BRPF3: variants seen among roughly 807,000 people sequenced by gnomAD.
BRPF3 encodes the protein bromodomain and PHD finger containing 3.
BRPF3 carries 18 observed loss-of-function variants against 102.0 expected under a neutral mutation model. That is an observed-to-expected ratio of 0.18 (90% CI 0.12 to 0.26). BRPF3 has a LOEUF of 0.26. BRPF3 is among the 10% of genes least tolerant of loss of function. The pLI is 1.00. For synonymous variants in BRPF3, 570 were observed against 614.2 expected, an observed-to-expected ratio of 0.93 and a Z score of 1.06; for missense variants, 1,147 against 1,567.8, an observed-to-expected ratio of 0.73 and a Z score of 4.53.
chr6:36,216,728 A>G (rs1031351667), intron 8 of BRPF3, among the ~76,000 whole-genome samples: 4 of 152,088 alleles, frequency 2.6e-5, no homozygotes, highest in African/African-American at 9.7e-5. Flanking sequence ...GAATTATAGG[A>G]CTTTTAGTGT....
At chr6:36,207,589 G>A in intron 4 of BRPF3, 145 bp downstream of exon 4, 1 of 1,169,820 alleles carries the variant, frequency 8.5e-7, no homozygotes, top group South Asian at 1.7e-5. Context: ...TCCAAGATCT[G>A]CCTACTTTGT....
In BRPF3 at chr6:36,230,511, A is replaced by G. The variant is rs1375658035; in HGVS notation, c.3520A>G (p.Ser1174Gly). The change falls in exon 13 of 13, where the codon AGC becomes GGC. Residue 1174 changes from serine (S) to glycine (G), a missense_variant. This residue lies in a region of BRPF3 where 85 missense variants were observed against 172.9 expected (regional missense o/e 0.49). Coordinates refer to ENST00000357641, the MANE Select transcript of BRPF3 (RefSeq NM_015695.3). This position sits in a 1 kb window ranked among gnomAD's most constrained non-coding sequence, Gnocchi z 5.4. ...KLKMLEGRKT[S>G]IRKSVQVAYD... is the part of the protein sequence containing the mutation. ...CAAGATGCTGGAAGGCCGCAAGACC[A>G]GCATCCGCAAGTCAGTGCAGGTGGC... The G allele has an allele frequency of 2.5e-6, 4 of 1,614,092 alleles. No individual in the cohort carries two copies. Among genetic ancestry groups the G allele is most frequent in the Admixed American group, 3.3e-5 (2 of 60,004 alleles).
At chr6:36,218,473 T>G in intron 9 of BRPF3, among the ~76,000 whole-genome samples, 1 of 151,640 alleles carries the variant, frequency 6.6e-6, no homozygotes, top group Non-Finnish European at 1.5e-5. Flanking sequence ...TTTTTTTTTT[T>G]TTTTTGAGAC....
Position 36,201,199 on chromosome 6 carries a change from G to T in BRPF3, c.877G>T (p.Ala293Ser). ...TGGGCACTGGGCCCATGTGGTGTGTGCCATCTGGATCCCTGAAGTCTGCTT... is the reference window on the plus strand; with the variant it reads ...TGGGCACTGGGCCCATGTGGTGTGTTCCATCTGGATCCCTGAAGTCTGCTT... ...SDGHWAHVVC[A>S]IWIPEVCFAN... The change falls in exon 2 of 13, where the codon GCC becomes TCC. Residue 293 changes from alanine (A) to serine (S), a missense_variant. Coordinates refer to ENST00000357641, the MANE Select transcript of BRPF3 (RefSeq NM_015695.3). This position sits in a 1 kb window ranked among gnomAD's most constrained non-coding sequence, Gnocchi z 5.1. The T allele has an allele frequency of 6.2e-7, 1 of 1,614,180 alleles. No homozygotes were observed.
intron 2 of BRPF3, among the ~76,000 whole-genome samples, chr6:36,202,504 T>C (rs1473898842): frequency 7.6e-6 from 1 of 131,472 alleles, no homozygotes; most frequent in Non-Finnish European, 1.6e-5. Flanking sequence ...ATTGGAGGGA[T>C]GGGAGCTTGG....
At chr6:36,223,413 G>A (rs1029138793) in intron 10 of BRPF3, among the ~76,000 whole-genome samples, 3 of 152,170 alleles carry the variant, frequency 2.0e-5, no homozygotes, top group African/African-American at 4.8e-5. Flanking sequence ...CACACTTTGT[G>A]CTTCTGGTGG....
At chr6:36,227,705 C>G (rs1455654549) in intron 11 of BRPF3, among the ~76,000 whole-genome samples, 1 of 152,128 alleles carries the variant, frequency 6.6e-6, no homozygotes, top group African/African-American at 2.4e-5. Context: ...GGTGGTTCTC[C>G]TTAAGACCCT....
chr6:36,204,785 C>T lies in BRPF3; in HGVS notation c.1576C>T (p.His526Tyr). 2 of 1,614,218 alleles carry T rather than the reference C, an allele frequency of 1.2e-6. No individual in the cohort carries two copies. Among genetic ancestry groups the T allele is most frequent in the East Asian group, 2.2e-5 (1 of 44,888 alleles). Residue 526 changes from histidine (H) to tyrosine (Y), a missense_variant, in exon 3 of 13, where the codon CAT becomes TAT. His to Tyr is a moderately conservative substitution (Grantham distance 83). This residue lies in a region of BRPF3 where 37 missense variants were observed against 33.3 expected (regional missense o/e 1.11). Transcript: ENST00000357641. ...GVPLIRRLHSHLQSQRNAEQR... is the reference protein window; with the variant it reads ...GVPLIRRLHSYLQSQRNAEQR... ...CCCTCTTATCCGGCGCTTGCACTCC[C>T]ATCTGCAGTCCCAAAGAAACGCTGA...
intron 3 of BRPF3, 83 bp from the exon 4 acceptor site, chr6:36,207,230 T>A (rs1312591776): frequency 1.9e-6 from 3 of 1,540,202 alleles, no homozygotes; most frequent in South Asian, 2.5e-5. Flanking sequence ...GACTTTTACC[T>A]GCTGCAGCCC....
rs1440127478 is a variant in BRPF3, at chr6:36,230,343, G to C, written c.3435-83G>C. 6.9e-7 allele frequency: 1 copy of C among 1,441,326 alleles called. No individual in the cohort carries two copies. Among genetic ancestry groups the C allele is most frequent in the Admixed American group, 1.8e-5 (1 of 55,466 alleles). The allele number at this position is 1,441,326 out of a possible 1,614,324, so 89.3% of individuals were successfully genotyped here. ...CTGTACCCTCTCCCTGGCTTTGCTG[G>C]TCCTGGCCAAGTGGGGCCACAGGAG... On this transcript the variant is annotated intron_variant, in intron 12 of 12. Transcript: ENST00000357641. The surrounding 1 kb of genome is among the most constrained non-coding windows in gnomAD (Gnocchi z 5.4).
At position 36,210,637 on chromosome 6, in the gene BRPF3, G is replaced by A; in HGVS notation, c.2179+109G>A. 1.4e-5 allele frequency: 14 copies of A among 986,572 alleles called. No homozygotes were observed. The highest frequency in any genetic ancestry group is 2.1e-5 in the Non-Finnish European group (14 of 680,176). 61.1% of individuals were successfully genotyped at this position (986,572 alleles called of 1,614,324 possible). ...CCTTGGGGCTATAGGTAGACTCCAG[G>A]AGCAAAGCTGAGGGTGAGCACAGAC... On this transcript the variant is annotated intron_variant, in intron 6 of 12. Transcript: ENST00000357641. This position sits in a 1 kb window ranked among gnomAD's most constrained non-coding sequence, Gnocchi z 4.7.
chr6:36,197,683 A>T (rs1171682265), intron 1 of BRPF3: 2 of 151,478 alleles, frequency 1.3e-5, no homozygotes, highest in East Asian at 3.9e-4. Context: ...GTTGTTGGAG[A>T]TATTTTGGAG....
rs762259459 is a variant in BRPF3 at position 36,228,920 on chromosome 6, C to T, written c.3298C>T (p.Pro1100Ser). 6.2e-7 allele frequency: 1 copy of T among 1,614,104 alleles called. No individual in the cohort carries two copies. The highest frequency in any genetic ancestry group is 1.3e-5 in the African/African-American group (1 of 75,044). Residue 1100 changes from proline to serine, a missense_variant, in exon 12 of 13, where the codon CCC (proline) becomes TCC (serine). Pro to Ser is a moderately conservative substitution (Grantham distance 74). This residue lies in a region of BRPF3 where 85 missense variants were observed against 172.9 expected (regional missense o/e 0.49). Transcript: ENST00000357641. Reference sequence around the variant, plus strand: ...CCTCCAGATCATCGATCCCAAGATGCCCCGGGAGGGCCTCCTGCACAATGG... The same window carrying T: ...CCTCCAGATCATCGATCCCAAGATGTCCCGGGAGGGCCTCCTGCACAATGG... Reference protein sequence around the residue: ...YPALIIDPKMPREGLLHNGVP... With the variant: ...YPALIIDPKMSREGLLHNGVP...
Position 36,211,285 on chromosome 6 carries a change from G to A in BRPF3, c.2207G>A (p.Arg736Gln), listed in dbSNP as rs1398830358. Reference protein sequence around the residue: ...DVDNILIPENRAHLSPEVQLK... With the variant: ...DVDNILIPENQAHLSPEVQLK... Reference sequence around the variant, plus strand: ...GACAACATCCTCATCCCAGAGAACCGGGCCCATTTGTCCCCAGAGGTGCAG... The same window carrying A: ...GACAACATCCTCATCCCAGAGAACCAGGCCCATTTGTCCCCAGAGGTGCAG... Residue 736 changes from arginine (R) to glutamine (Q), a missense_variant, in exon 7 of 13, where the codon CGG becomes CAG. Arg to Gln is a conservative substitution (Grantham distance 43). Around this residue, in one of 11 missense-constraint regions of BRPF3, gnomAD observed 109 missense variants for 175.1 expected, o/e 0.62. Transcript: ENST00000357641. 5.6e-6 allele frequency: 9 copies of A among 1,613,866 alleles called. No homozygotes were observed. Among genetic ancestry groups the A allele is most frequent in the Non-Finnish European group, 7.6e-6 (9 of 1,179,910 alleles).
Position 36,214,218 on chromosome 6 carries a change from C to G in BRPF3, c.2821C>G (p.Gln941Glu). The change falls in exon 8 of 13, where the codon CAG becomes GAG. Residue 941 changes from glutamine to glutamate, a missense_variant. By Grantham distance (29) the Gln-to-Glu change is conservative (BLOSUM62 2). This residue lies in a region of BRPF3 where 379 missense variants were observed against 426.3 expected (regional missense o/e 0.89). Transcript: ENST00000357641. ...FKKAKNGVKL[Q>E]RSPDRVLENG... ...GAAGGCCAAGAATGGGGTTAAGCTACAGAGAAGCCCAGACAGGGTCCTGGA... is the reference window on the plus strand; with the variant it reads ...GAAGGCCAAGAATGGGGTTAAGCTAGAGAGAAGCCCAGACAGGGTCCTGGA... The G allele has an allele frequency of 6.2e-7, 1 of 1,614,180 alleles. No individual in the cohort carries two copies. Among genetic ancestry groups the G allele is most frequent in the Non-Finnish European group, 8.5e-7 (1 of 1,180,012 alleles).
At chr6:36,218,787 C>T (rs928470429) in intron 9 of BRPF3, among the ~76,000 whole-genome samples, 10 of 151,944 alleles carry the variant, frequency 6.6e-5, no homozygotes, top group African/African-American at 9.7e-5. Context: ...AGACAAAGGC[C>T]CCAAAGCTCT....
chr6:36,207,292 C>G, intron 3 of BRPF3, 21 bp from the exon 4 acceptor site: 2 of 1,608,182 alleles, frequency 1.2e-6, no homozygotes, highest in Non-Finnish European at 1.7e-6. Flanking sequence ...TTCCTAGTCC[C>G]TCTTCTCTTC....
chr6:36,211,631 A>G, intron 7 of BRPF3, 71 bp downstream of exon 7: 1 of 1,490,526 alleles, frequency 6.7e-7, no homozygotes, highest in South Asian at 1.3e-5. Context: ...GAAATATCAT[A>G]ATGGGGGTAT....
chr6:36,219,608 T>G (rs1008275706), intron 9 of BRPF3, among the ~76,000 whole-genome samples: 3 of 152,224 alleles, frequency 2.0e-5, no homozygotes, highest in Admixed American at 2.0e-4. Context: ...CTAATTCAGG[T>G]GGCGTGTTTG....
Sources: gnomAD v4.1 joint callset for allele counts (sites outside exome capture counted in the v4.1 genomes callset) on GRCh38, gnomAD v4.1.1 for gene constraint, gnomAD v4.1.1 regional missense constraint, Gnocchi (gnomAD v3.1) non-coding constraint, MANE v1.5 for transcripts, NCBI Gene and HGNC (gene_info 2026-07-23, HGNC 2026-07-21) for gene names.